Variants in TRPC4 observed in about 807,000 individuals in gnomAD.
The protein encoded by TRPC4 is short transient receptor potential channel 4.
A neutral mutation model predicts 99.4 loss-of-function variants in TRPC4; 49 were observed. That is an observed-to-expected ratio of 0.49 (90% CI 0.39 to 0.63). The LOEUF is 0.63. Among genes scored for constraint, TRPC4 ranks in the 20% least tolerant of loss-of-function variants. The probability of loss-of-function intolerance (pLI) is 0.00; values close to 1 mark genes in which losing one functional copy is unlikely to be tolerated. For synonymous variants in TRPC4, 454 were observed against 425.9 expected (o/e 1.07, Z -0.81); for missense variants, 898 against 1,152.9 (o/e 0.78, Z 3.20).
chr13:37,817,723 A>C (rs1260978405), intron 1 of TRPC4, among the ~76,000 whole-genome samples: 1 of 152,046 alleles, frequency 6.6e-6, no homozygotes, highest in Admixed American at 6.6e-5. Flanking sequence ...AGAACCAAAA[A>C]AAAAGGCTGC....
At chr13:37,639,176 A>C in intron 9 of TRPC4, 47 bp from the exon 10 acceptor site, 1 of 1,612,982 alleles carries the variant, frequency 6.2e-7, no homozygotes, top group Non-Finnish European at 8.5e-7. Flanking sequence ...GAGTAAATAA[A>C]TTTCCTCCTG....
rs1424506321 is a variant in TRPC4, at chr13:37,703,620, C to T, written c.898-11285G>A. Among the ~76,000 whole-genome samples, 4 of 152,116 alleles carry T rather than the reference C, an allele frequency of 2.6e-5. No individual in the cohort carries two copies. In the South Asian group the frequency reaches 8.3e-4, roughly 32 times the overall value. ...ACATTAGGGAAATGCAAATCAAAGT[C>T]ACAATGAAGTATCACTGCATACCTA... On this transcript the variant is annotated intron_variant, in intron 3 of 10. Transcript: ENST00000379705.
chr13:37,669,000 C>G (rs1040593224), intron 5 of TRPC4, among the ~76,000 whole-genome samples: 1 of 152,082 alleles, frequency 6.6e-6, no homozygotes, highest in Admixed American at 6.5e-5. Flanking sequence ...CAATCCCACA[C>G]TTTGGGGAGC....
intron 3 of TRPC4, among the ~76,000 whole-genome samples, chr13:37,714,738 C>T (rs73186546): frequency 5.2e-5 from 7 of 133,492 alleles, no homozygotes; most frequent in African/African-American, 1.8e-4. Flanking sequence ...AATCCCTCAC[C>T]GCTCCTTTAC....
intron 3 of TRPC4, among the ~76,000 whole-genome samples, chr13:37,725,403 A>G (rs1179273013): frequency 2.0e-5 from 3 of 150,292 alleles, no homozygotes; most frequent in Non-Finnish European, 3.0e-5. Context: ...TCCAAGTATT[A>G]TAATCTCAAA....
intron 5 of TRPC4, among the ~76,000 whole-genome samples, chr13:37,669,402 G>A (rs190651391): frequency 6.6e-6 from 1 of 152,254 alleles, no homozygotes; most frequent in Admixed American, 6.5e-5. Flanking sequence ...ACAGTGAAAA[G>A]AGAAAATGAT....
At chr13:37,805,238 T>C (rs903391297) in intron 1 of TRPC4, among the ~76,000 whole-genome samples, 5 of 151,954 alleles carry the variant, frequency 3.3e-5, no homozygotes, top group Non-Finnish European at 1.5e-5. Flanking sequence ...TCTATTATTT[T>C]GGGATGGTGT....
chr13:37,783,211 T>A lies in TRPC4; in HGVS notation c.123A>T (p.Glu41Asp), dbSNP rs1268813423. Reference sequence around the variant, plus strand: ...TCTTGACACTGGCATAATCTCCCTTTTCCACAGCATTCAAGTAGGCTTTTT... The same window carrying A: ...TCTTGACACTGGCATAATCTCCCTTATCCACAGCATTCAAGTAGGCTTTTT... ...PSEKAYLNAV[E>D]KGDYASVKKS... Residue 41 changes from glutamate to aspartate, a missense_variant, in exon 2 of 11, where the codon GAA becomes GAT. Physicochemically the swap from Glu to Asp is conservative, Grantham distance 45. Around this residue, in one of 3 missense-constraint regions of TRPC4, gnomAD observed 278 missense variants for 346.6 expected, o/e 0.80. Transcript: ENST00000379705. 1.2e-6 allele frequency: 2 copies of A among 1,613,592 alleles called. No homozygotes were observed. The highest frequency in any genetic ancestry group is 1.7e-6 in the Non-Finnish European group (2 of 1,179,766).
rs1593789957 is a variant in TRPC4 at position 37,808,281 on chromosome 13, G to C, written c.-27-24921C>G. ...TGAAAAGAAAATGATAGTCTTGGCAGGTCTGTTTCAGAAAAGTACATTAGT... is the reference window on the plus strand; with the variant it reads ...TGAAAAGAAAATGATAGTCTTGGCACGTCTGTTTCAGAAAAGTACATTAGT... On this transcript the variant is annotated intron_variant, in intron 1 of 10. Transcript: ENST00000379705. 2.0e-5 allele frequency among the ~76,000 whole-genome samples: 3 copies of C among 152,126 alleles called. No individual in the cohort carries two copies. In the South Asian group the frequency reaches 6.2e-4, roughly 32 times the overall value.
Position 37,741,439 on chromosome 13 carries a change from GC to G in TRPC4, c.897+4497del, listed in dbSNP as rs1402919331. 1.1e-4 allele frequency among the ~76,000 whole-genome samples: 16 copies of G among 152,246 alleles called. No individual in the cohort carries two copies. The East Asian group carries it at 2.5e-3, about 24-fold the overall frequency. On this transcript the variant is annotated intron_variant, in intron 3 of 10. Transcript: ENST00000379705. ...ATCAGTTTTAAGGGTATGACTACAT[GC>G]TTTTTGTTTCCAGTTTCCTTTGTTA... is the stretch of plus-strand genomic sequence containing the variant.
intron 4 of TRPC4, among the ~76,000 whole-genome samples, chr13:37,686,722 C>CT (rs1335132398): frequency 6.6e-6 from 1 of 152,036 alleles, no homozygotes; most frequent in Non-Finnish European, 1.5e-5. Flanking sequence ...TACTTTATGC[C>CT]TAGGAATTCA....
chr13:37,817,825 C>T (rs894362942), intron 1 of TRPC4, among the ~76,000 whole-genome samples: 2 of 151,950 alleles, frequency 1.3e-5, no homozygotes, highest in African/African-American at 2.4e-5. Context: ...GGATAATAGG[C>T]TAGCCATATG....
chr13:37,734,374 G>A (rs1230580950), intron 3 of TRPC4, among the ~76,000 whole-genome samples: 1 of 152,106 alleles, frequency 6.6e-6, no homozygotes, highest in East Asian at 1.9e-4. Flanking sequence ...AGGGCTTGCT[G>A]TGTTCTCATT....
chr13:37,753,089 ATTAAT>A (rs1955981976), intron 2 of TRPC4, among the ~76,000 whole-genome samples: 1 of 151,822 alleles, frequency 6.6e-6, no homozygotes, highest in Admixed American at 6.6e-5. Context: ...CAAAGGGGAA[ATTAAT>A]TTAGAGATTT....
chr13:37,636,911 T>G lies in TRPC4; in HGVS notation c.2926A>C (p.Arg976=). The change falls in exon 11 of 11, where the codon AGA becomes CGA. Residue 976 remains arginine (R), a synonymous_variant. Coordinates refer to ENST00000379705, the MANE Select transcript of TRPC4 (RefSeq NM_016179.4). Reference sequence around the variant, plus strand: ...GCTTCCTCCTTCAAGTATCACAATCTTGTGGTCACGTAATCTTCGTGGGTG... The same window carrying G: ...GCTTCCTCCTTCAAGTATCACAATCGTGTGGTCACGTAATCTTCGTGGGTG... ...TVTHEDYVTT[R]L 1.2e-6 allele frequency: 2 copies of G among 1,610,132 alleles called. No individual in the cohort carries two copies. Among genetic ancestry groups the G allele is most frequent in the Non-Finnish European group, 1.7e-6 (2 of 1,177,692 alleles).
intron 3 of TRPC4, among the ~76,000 whole-genome samples, chr13:37,707,818 A>G (rs950472644): frequency 6.6e-6 from 1 of 152,160 alleles, no homozygotes; most frequent in Non-Finnish European, 1.5e-5. Flanking sequence ...AGGAGATGAA[A>G]GAATTCGTAC....
intron 3 of TRPC4, among the ~76,000 whole-genome samples, chr13:37,740,911 G>C (rs976534633): frequency 2.6e-5 from 4 of 152,046 alleles, no homozygotes; most frequent in Non-Finnish European, 5.9e-5. Flanking sequence ...CATGAGCAGC[G>C]GGCTGTTCAA....
intron 3 of TRPC4, among the ~76,000 whole-genome samples, chr13:37,699,133 C>A (rs993956559): frequency 6.6e-6 from 1 of 151,950 alleles, no homozygotes; most frequent in East Asian, 1.9e-4. Context: ...GTCTTTTTCC[C>A]AATTTGTAAA....
intron 1 of TRPC4, among the ~76,000 whole-genome samples, chr13:37,789,577 A>G (rs1471976218): frequency 6.6e-6 from 1 of 152,300 alleles, no homozygotes; most frequent in South Asian, 2.1e-4. Context: ...GCCATTTTAG[A>G]TTAAATAAAT....
Sources: allele counts gnomAD v4.1 joint callset (sites outside exome capture counted in the v4.1 genomes callset), GRCh38; gene constraint gnomAD v4.1.1; regional missense constraint gnomAD v4.1.1; transcripts MANE v1.5; gene names NCBI Gene and HGNC (gene_info 2026-07-23, HGNC 2026-07-21).